Variants in MANBA observed in about 807,000 individuals in gnomAD.
MANBA encodes the protein mannosidase beta, also known as beta-mannosidase.
Under a neutral mutation model 111.1 loss-of-function variants are expected in MANBA, and 83 were observed. The observed-to-expected ratio is 0.75, with a 90% CI of 0.63 to 0.90. MANBA has a LOEUF of 0.90. MANBA is among the 40% of genes least tolerant of loss of function. The pLI is 0.00. For missense variants in MANBA, 1,036 were observed against 1,069.0 expected (o/e 0.97, Z 0.43); for synonymous variants, 370 against 378.7 (o/e 0.98, Z 0.27).
chr4:102,663,927 C>T (rs1731084295), intron 11 of MANBA, among the ~76,000 whole-genome samples: 1 of 152,162 alleles, frequency 6.6e-6, no homozygotes. Context: ...CACTATAGAG[C>T]AAGGGCCATA....
chr4:102,686,147 C>T (rs140210643), intron 7 of MANBA, among the ~76,000 whole-genome samples: 57 of 152,194 alleles, frequency 3.7e-4, no homozygotes, highest in African/African-American at 1.3e-3. Flanking sequence ...TCTTCCCAGG[C>T]GCTCTGAGAA....
intron 5 of MANBA, among the ~76,000 whole-genome samples, chr4:102,702,705 G>T (rs938368951): frequency 2.0e-5 from 3 of 152,128 alleles, no homozygotes; most frequent in Non-Finnish European, 2.9e-5. Flanking sequence ...ATAAGTAAAT[G>T]AATTCACAAG....
At chr4:102,644,844 T>C (rs1036749107) in intron 13 of MANBA, among the ~76,000 whole-genome samples, 1 of 152,070 alleles carries the variant, frequency 6.6e-6, no homozygotes, top group Non-Finnish European at 1.5e-5. Context: ...TGTACACATA[T>C]ACCAAAACAT....
At chr4:102,733,963 A>G (rs1386175236) in intron 1 of MANBA, among the ~76,000 whole-genome samples, 1 of 152,284 alleles carries the variant, frequency 6.6e-6, no homozygotes, top group East Asian at 1.9e-4. Context: ...GAGGAGAAGA[A>G]TGAATAAACA....
chr4:102,728,213 C>T (rs748268993), intron 1 of MANBA: 44 of 537,830 alleles, frequency 8.2e-5, no homozygotes, highest in Middle Eastern at 6.4e-4. Context: ...TGGGGCTGGA[C>T]TCCTGAGCCT....
At chr4:102,686,243 C>T (rs1732210878) in intron 7 of MANBA, among the ~76,000 whole-genome samples, 1 of 152,060 alleles carries the variant, frequency 6.6e-6, no homozygotes, top group African/African-American at 2.4e-5. Flanking sequence ...TTTACAAAGA[C>T]ATTTATTTCT....
In MANBA at chr4:102,647,193, A is replaced by T. The variant is rs542143506; in HGVS notation, c.1869+3344T>A. On this transcript the variant is annotated intron_variant, in intron 13 of 16. Transcript: ENST00000647097. ...TGTATTTCAGTCAAGAAAATCTGAC[A>T]CTGAAAACAAAATAAAATAATCATA... Among the ~76,000 whole-genome samples the T allele has an allele frequency of 2.7e-5, 4 of 150,730 alleles. No homozygotes were observed. In the South Asian group the frequency reaches 8.5e-4, roughly 32 times the overall value.
intron 1 of MANBA, among the ~76,000 whole-genome samples, chr4:102,741,126 A>C (rs2110205480): frequency 6.6e-6 from 1 of 152,348 alleles, no homozygotes; most frequent in South Asian, 2.1e-4. Flanking sequence ...TCCCATCAAA[A>C]AGTGGGCTAA....
Position 102,631,304 on chromosome 4 carries a change from T to C in MANBA, c.*753A>G, listed in dbSNP as rs536882860. 6.5e-6 allele frequency: 1 copy of C among 154,858 alleles called. No homozygotes were observed. The highest frequency in any genetic ancestry group is 2.1e-4 in the South Asian group (1 of 4,852). 9.6% of individuals were successfully genotyped at this position (154,858 alleles called of 1,614,324 possible). ...AAGCCAAACACTCTTTGCTGGTCCA[T>C]TCTATAACCAATTACATGACTGTTT... On this transcript the variant is annotated 3_prime_UTR_variant, in exon 17 of 17. Transcript: ENST00000647097.
In MANBA at chr4:102,720,028, G is replaced by A. The variant is rs200858540; in HGVS notation, c.549+2843C>T. On this transcript the variant is annotated intron_variant, in intron 4 of 16. Transcript: ENST00000647097. ...AATGCCACAAATTGAATAGAGGGTG[G>A]AGCAAAATAGCATATGGATATATGT... is the stretch of plus-strand genomic sequence containing the variant. Among the ~76,000 whole-genome samples the A allele has an allele frequency of 3.7e-3, 561 of 152,312 alleles. 3 individuals carry two copies. The highest frequency in any genetic ancestry group is 0.013 in the African/African-American group (540 of 41,554).
At chr4:102,729,146 C>A in intron 1 of MANBA, 1 of 727,352 alleles carries the variant, frequency 1.4e-6, no homozygotes, top group Non-Finnish European at 2.5e-6. Context: ...AACAGCCAGC[C>A]CCCTGTGCTG....
intron 9 of MANBA, 150 bp from the exon 10 acceptor site, chr4:102,669,199 T>A: frequency 2.9e-6 from 2 of 696,852 alleles, no homozygotes; most frequent in Non-Finnish European, 5.2e-6. Context: ...CCATTATGCA[T>A]AATTTGATAC....
chr4:102,741,424 A>T lies in MANBA; in HGVS notation c.178-14741T>A, dbSNP rs113776457. On this transcript the variant is annotated intron_variant, in intron 1 of 16. Coordinates refer to ENST00000647097, the MANE Select transcript of MANBA (RefSeq NM_005908.4). ...ACGTAGAACTACCATTGATCCAGCAATCCCACTACTGGGTACCTACTCAGA... is the reference window on the plus strand; with the variant it reads ...ACGTAGAACTACCATTGATCCAGCATTCCCACTACTGGGTACCTACTCAGA... Among the ~76,000 whole-genome samples, 116 of 152,372 alleles carry T rather than the reference A, an allele frequency of 7.6e-4. 1 individual carries two copies. Among genetic ancestry groups the T allele is most frequent in the African/African-American group, 2.7e-3 (114 of 41,590 alleles).
chr4:102,694,459 AATCC>A (rs1732618996), intron 5 of MANBA, among the ~76,000 whole-genome samples: 1 of 152,130 alleles, frequency 6.6e-6, no homozygotes, highest in Admixed American at 6.6e-5. Flanking sequence ...TAAATTGCAT[AATCC>A]TATTTGTAGT....
intron 5 of MANBA, among the ~76,000 whole-genome samples, chr4:102,691,260 A>G (rs1732461188): frequency 6.6e-6 from 1 of 152,152 alleles, no homozygotes; most frequent in Admixed American, 6.5e-5. Flanking sequence ...CTTTAAATGT[A>G]GATAATTTAT....
Position 102,631,871 on chromosome 4 carries a change from C to A in MANBA, c.*186G>T, listed in dbSNP as rs1366158523. The A allele has an allele frequency of 9.1e-6, 6 of 655,796 alleles. No individual in the cohort carries two copies. Among genetic ancestry groups the A allele is most frequent in the Non-Finnish European group, 1.6e-5 (6 of 367,412 alleles). The allele number at this position is 655,796 out of a possible 1,614,324, so 40.6% of individuals were successfully genotyped here. On this transcript the variant is annotated 3_prime_UTR_variant, in exon 17 of 17. Transcript: ENST00000647097. ...GGCACAGGCTTGTTTGAGGACATTG[C>A]CTGGGTAAACAGCCTCCCCTGAAAG...
At chr4:102,669,481 T>C (rs1578886545) in intron 9 of MANBA, among the ~76,000 whole-genome samples, 1 of 152,348 alleles carries the variant, frequency 6.6e-6, no homozygotes, top group Middle Eastern at 3.4e-3. Flanking sequence ...AAAGGATTAC[T>C]ACATGCACAT....
At chr4:102,757,286 A>G (rs1724063555) in intron 1 of MANBA, among the ~76,000 whole-genome samples, 1 of 151,900 alleles carries the variant, frequency 6.6e-6, no homozygotes, top group Non-Finnish European at 1.5e-5. Flanking sequence ...CCGAGATAGT[A>G]CCATTGCATT....
chr4:102,753,900 C>T (rs1322034530), intron 1 of MANBA: 8 of 435,704 alleles, frequency 1.8e-5, no homozygotes, highest in Non-Finnish European at 2.7e-5. Context: ...TTGAGCAACA[C>T]GGTGAGACCA....
Sources: gnomAD v4.1 joint callset for allele counts (sites outside exome capture counted in the v4.1 genomes callset) on GRCh38, gnomAD v4.1.1 for gene constraint, MANE v1.5 for transcripts, NCBI Gene and HGNC (gene_info 2026-07-23, HGNC 2026-07-21) for gene names.